Variants in SLC35F1 observed in about 807,000 individuals in gnomAD.
SLC35F1 encodes the protein solute carrier family 35 member F1.
Under a neutral mutation model 48.7 loss-of-function variants are expected in SLC35F1, and 14 were observed. The ratio of observed to expected loss-of-function variants is 0.29; its 90% CI spans 0.19 to 0.45. SLC35F1 has a LOEUF of 0.45. Ranked by LOEUF, SLC35F1 falls within the 20% of genes least tolerant of loss-of-function variation. The probability of loss-of-function intolerance (pLI) is 1.00; values close to 1 mark genes in which losing one functional copy is unlikely to be tolerated. For synonymous variants in SLC35F1, 190 were observed against 202.2 expected (o/e 0.94, Z 0.51); for missense variants, 404 against 500.0 (o/e 0.81, Z 1.83).
chr6:118,281,884 G>T (rs1442768688), intron 6 of SLC35F1, among the ~76,000 whole-genome samples: 1 of 152,186 alleles, frequency 6.6e-6, no homozygotes, highest in Non-Finnish European at 1.5e-5. Flanking sequence ...ATAGTTATCA[G>T]CATTACACTG....
intron 3 of SLC35F1, among the ~76,000 whole-genome samples, chr6:118,250,541 T>C (rs973407462): frequency 2.6e-5 from 4 of 152,214 alleles, no homozygotes. Context: ...CAGAGACGTA[T>C]GGGAGCCCCT....
intron 1 of SLC35F1, among the ~76,000 whole-genome samples, chr6:118,078,673 ATC>A (rs1423046386): frequency 1.3e-5 from 2 of 152,188 alleles, no homozygotes; most frequent in Non-Finnish European, 2.9e-5. Flanking sequence ...TTCAGAGTTA[ATC>A]TCTCTGTCAA....
intron 1 of SLC35F1, among the ~76,000 whole-genome samples, chr6:117,926,705 G>T (rs1375411630): frequency 6.6e-6 from 1 of 152,132 alleles, no homozygotes; most frequent in Admixed American, 6.5e-5. Context: ...GGCTGGAGGA[G>T]TAGGTAGGGG....
chr6:118,138,382 C>T (rs997994068), intron 1 of SLC35F1, among the ~76,000 whole-genome samples: 4 of 151,942 alleles, frequency 2.6e-5, no homozygotes, highest in African/African-American at 7.2e-5. Flanking sequence ...TGCCTCAATA[C>T]GTTTTTTTAC....
rs187106465 is a variant in SLC35F1 at position 118,202,498 on chromosome 6, A to G, written c.350-33011A>G. On this transcript the variant is annotated intron_variant, in intron 2 of 7. Transcript: ENST00000360388. ...GGTGACAGAGCAAGACCCTGTCCCAAAATAAAATAAAAGAAAATGGCTGCA... is the reference window on the plus strand; with the variant it reads ...GGTGACAGAGCAAGACCCTGTCCCAGAATAAAATAAAAGAAAATGGCTGCA... Among the ~76,000 whole-genome samples, 8 of 152,308 alleles carry G rather than the reference A, an allele frequency of 5.3e-5. No individual in the cohort carries two copies. The East Asian group carries it at 1.3e-3, about 26-fold the overall frequency.
Position 118,021,617 on chromosome 6 carries a change from AAC to A in SLC35F1, c.173+113722_173+113723del, listed in dbSNP as rs151177218. ...AAGGATGGTTAGTGTCTGTGATAAC[AAC>A]ACAGAGATCATGCCTCCATTTATGC... On this transcript the variant is annotated intron_variant, in intron 1 of 7. Coordinates refer to ENST00000360388, the MANE Select transcript of SLC35F1 (RefSeq NM_001029858.4). Among the ~76,000 whole-genome samples the A allele has an allele frequency of 2.9e-3, 436 of 152,332 alleles. 2 individuals are homozygous for A. Among genetic ancestry groups the A allele is most frequent in the African/African-American group, 0.01 (421 of 41,582 alleles).
intron 3 of SLC35F1, among the ~76,000 whole-genome samples, chr6:118,237,324 AACACACAC>A (rs67116512): frequency 0.064 from 9,572 of 148,908 alleles, 377 homozygotes; most frequent in African/African-American, 0.1. Flanking sequence ...ATTCTAAGAA[AACACACAC>A]ACACACACAC....
rs529979225 is a variant in SLC35F1 at position 118,206,242 on chromosome 6, T to C, written c.350-29267T>C. Among the ~76,000 whole-genome samples, 3 of 152,378 alleles carry C rather than the reference T, an allele frequency of 2.0e-5. No individual in the cohort carries two copies. In the East Asian group the frequency reaches 5.8e-4, roughly 29 times the overall value. ...CTACACTTTGATTCCCTTTTCTATA[T>C]AGCTGATGGTCTGGTTTTTATGCAA... On this transcript the variant is annotated intron_variant, in intron 2 of 7. Transcript: ENST00000360388.
At position 118,154,448 on chromosome 6, in the gene SLC35F1, G is replaced by C. The variant is rs367620584; in HGVS notation, c.177G>C (p.Glu59Asp). 1 of 1,599,362 alleles carries C rather than the reference G, an allele frequency of 6.3e-7. No individual in the cohort carries two copies. Residue 59 changes from glutamate (E) to aspartate (D), a missense_variant, in exon 2 of 8, where the codon GAG becomes GAC. Around this residue, in one of 2 missense-constraint regions of SLC35F1, gnomAD observed 306 missense variants for 419.1 expected, o/e 0.73. Coordinates refer to ENST00000360388, the MANE Select transcript of SLC35F1 (RefSeq NM_001029858.4). Reference sequence around the variant, plus strand: ...TTTTTTTTCCTTTATTTCTCAGGGAGATGTTAATCTCTGTGGCCCTAGGCC... The same window carrying C: ...TTTTTTTTCCTTTATTTCTCAGGGACATGTTAATCTCTGTGGCCCTAGGCC... ...RQRIRKVLNR[E>D]MLISVALGQV...
chr6:118,300,343 AC>A (rs1333091127), intron 7 of SLC35F1, among the ~76,000 whole-genome samples: 1 of 152,194 alleles, frequency 6.6e-6, no homozygotes, highest in Non-Finnish European at 1.5e-5. Context: ...TTGAGCATCT[AC>A]AAATTTTGGT....
chr6:118,097,949 A>C (rs913995792), intron 1 of SLC35F1, among the ~76,000 whole-genome samples: 2 of 152,198 alleles, frequency 1.3e-5, no homozygotes, highest in African/African-American at 4.8e-5. Context: ...TTTTCTAAAA[A>C]TAAGTCGATG....
Position 118,056,240 on chromosome 6 carries a change from G to A in SLC35F1, c.174-98205G>A, listed in dbSNP as rs995649062. On this transcript the variant is annotated intron_variant, in intron 1 of 7. Coordinates refer to ENST00000360388, the MANE Select transcript of SLC35F1 (RefSeq NM_001029858.4). The stretch of plus-strand genomic sequence containing the variant: ...CCTTTGTTTAAAATATAGCTTAAAA[G>A]TATAATTTAAATTTGTATATCATTC... Among the ~76,000 whole-genome samples, 21 of 152,142 alleles carry A rather than the reference G, an allele frequency of 1.4e-4. No homozygotes were observed. In the South Asian group the frequency reaches 4.4e-3, roughly 32 times the overall value.
At chr6:117,925,885 G>A (rs1397036985) in intron 1 of SLC35F1, among the ~76,000 whole-genome samples, 1 of 152,060 alleles carries the variant, frequency 6.6e-6, no homozygotes, top group Non-Finnish European at 1.5e-5. Context: ...ATATATTGAG[G>A]AGCTTGAAGT....
intron 1 of SLC35F1, among the ~76,000 whole-genome samples, chr6:118,036,223 T>C (rs1333734244): frequency 6.6e-6 from 1 of 152,174 alleles, no homozygotes; most frequent in Non-Finnish European, 1.5e-5. Flanking sequence ...TGATATGTTA[T>C]AGTTTTGTTG....
At chr6:118,180,152 T>C (rs765589697) in intron 2 of SLC35F1, among the ~76,000 whole-genome samples, 3 of 152,180 alleles carry the variant, frequency 2.0e-5, no homozygotes, top group Admixed American at 1.3e-4. Flanking sequence ...GCATATTATC[T>C]GTATGAATTT....
At chr6:118,127,855 C>T (rs1325636832) in intron 1 of SLC35F1, among the ~76,000 whole-genome samples, 1 of 150,866 alleles carries the variant, frequency 6.6e-6, no homozygotes, top group Non-Finnish European at 1.5e-5. Context: ...AAAGAAACTA[C>T]CATCAGAGTG....
intron 1 of SLC35F1, among the ~76,000 whole-genome samples, chr6:118,099,082 C>A (rs567228627): frequency 1.3e-5 from 2 of 152,292 alleles, no homozygotes; most frequent in South Asian, 4.1e-4. Context: ...AGATCTTGCT[C>A]ATGGGATAGA....
chr6:118,206,802 G>C (rs955982640), intron 2 of SLC35F1, among the ~76,000 whole-genome samples: 30 of 152,080 alleles, frequency 2.0e-4, no homozygotes, highest in African/African-American at 7.2e-4. Flanking sequence ...TGAACTAGCT[G>C]TACTGTGAGC....
At position 117,990,750 on chromosome 6, in the gene SLC35F1, G is replaced by A. The variant is rs140157405; in HGVS notation, c.173+82851G>A. 1.1e-3 allele frequency among the ~76,000 whole-genome samples: 160 copies of A among 152,304 alleles called. 2 individuals are homozygous for A. In the East Asian group the frequency reaches 0.027, roughly 26 times the overall value. Reference sequence around the variant, plus strand: ...TAAAATCAATTCTTGATTTTATGACGTGTTAGAGATTAGGGGTATTAATAG... The same window carrying A: ...TAAAATCAATTCTTGATTTTATGACATGTTAGAGATTAGGGGTATTAATAG... On this transcript the variant is annotated intron_variant, in intron 1 of 7. Transcript: ENST00000360388.
Sources: gnomAD v4.1 joint callset for allele counts (sites outside exome capture counted in the v4.1 genomes callset) on GRCh38, gnomAD v4.1.1 for gene constraint, gnomAD v4.1.1 regional missense constraint, MANE v1.5 for transcripts, NCBI Gene and HGNC (gene_info 2026-07-23, HGNC 2026-07-21) for gene names.